Variants in DLG2 observed in about 807,000 individuals in gnomAD.
DLG2 encodes the protein discs large MAGUK scaffold protein 2.
DLG2 carries 45 observed loss-of-function variants against 132.5 expected under a neutral mutation model. The ratio of observed to expected loss-of-function variants is 0.34; its 90% confidence interval spans 0.27 to 0.44. DLG2 has a LOEUF of 0.44. Among genes scored for constraint, DLG2 ranks in the 20% least tolerant of loss-of-function variants. The pLI is 1.00. For missense variants in DLG2, 1,045 were observed against 1,196.9 expected (o/e 0.87, Z 1.87); for synonymous variants, 424 against 419.6 (o/e 1.01, Z -0.13).
intron 6 of DLG2, among the ~76,000 whole-genome samples, chr11:84,633,041 G>C (rs61898999): frequency 3.2e-3 from 489 of 152,312 alleles, no homozygotes; most frequent in Non-Finnish European, 5.0e-3. Flanking sequence ...ATGAAAAGAA[G>C]AAAGACTGGC....
chr11:84,161,609 T>C (rs1287789302), intron 9 of DLG2, among the ~76,000 whole-genome samples: 1 of 152,152 alleles, frequency 6.6e-6, no homozygotes. Flanking sequence ...TTCTCTCTCA[T>C]ACCAATGTTA....
chr11:85,220,266 T>C (rs2074545910), intron 4 of DLG2, among the ~76,000 whole-genome samples: 1 of 152,084 alleles, frequency 6.6e-6, no homozygotes, highest in African/African-American at 2.4e-5. Flanking sequence ...TTGCACTGTT[T>C]AACGTGGTGA....
intron 6 of DLG2, among the ~76,000 whole-genome samples, chr11:84,765,903 T>C (rs1027625125): frequency 1.3e-5 from 2 of 151,966 alleles, no homozygotes; most frequent in Admixed American, 6.6e-5. Flanking sequence ...CACCTTTTCT[T>C]GATGCTGTTT....
At chr11:84,934,682 T>C (rs895390747) in intron 6 of DLG2, among the ~76,000 whole-genome samples, 1 of 151,758 alleles carries the variant, frequency 6.6e-6, no homozygotes, top group Non-Finnish European at 1.5e-5. Flanking sequence ...CCTGGACACA[T>C]ACGCCCTTCC....
chr11:85,369,877 T>A (rs1417593813), intron 3 of DLG2, among the ~76,000 whole-genome samples: 1 of 152,186 alleles, frequency 6.6e-6, no homozygotes, highest in Non-Finnish European at 1.5e-5. Flanking sequence ...AAGTATTTTT[T>A]AAAAAGGGAA....
chr11:84,031,234 A>T (rs936377737), intron 11 of DLG2, among the ~76,000 whole-genome samples: 1 of 22,992 alleles, frequency 4.3e-5, no homozygotes, highest in African/African-American at 7.4e-5. Flanking sequence ...CAGAAAGGTA[A>T]AAAAAAAAAA....
chr11:84,079,519 GT>G (rs530490550), intron 10 of DLG2, among the ~76,000 whole-genome samples: 41 of 152,214 alleles, frequency 2.7e-4, no homozygotes, highest in African/African-American at 9.6e-4. Flanking sequence ...CTGACCTCAG[GT>G]GATCCACCCA....
rs553975705 is a variant in DLG2, at chr11:84,680,756, G to A, written c.358-146025C>T. Among the ~76,000 whole-genome samples the A allele has an allele frequency of 2.6e-5, 4 of 152,252 alleles. No individual in the cohort carries two copies. The South Asian group carries it at 8.3e-4, about 32-fold the overall frequency. Reference sequence around the variant, plus strand: ...ACCATAGCTTGTACTGCTGGTTTGAGAATAAAAGGAAATGTTAACACTGTC... The same window carrying A: ...ACCATAGCTTGTACTGCTGGTTTGAAAATAAAAGGAAATGTTAACACTGTC... On this transcript the variant is annotated intron_variant, in intron 6 of 27. Coordinates refer to ENST00000376104, the MANE Select transcript of DLG2 (RefSeq NM_001142699.3).
At chr11:85,219,328 G>A (rs992515254) in intron 4 of DLG2, among the ~76,000 whole-genome samples, 2 of 152,126 alleles carry the variant, frequency 1.3e-5, no homozygotes, top group Non-Finnish European at 2.9e-5. Flanking sequence ...TGTTCTCTGA[G>A]TTTAATTCTC....
intron 15 of DLG2, among the ~76,000 whole-genome samples, chr11:83,924,699 A>G (rs79188728): frequency 0.019 from 2,938 of 152,222 alleles, 100 homozygotes; most frequent in African/African-American, 0.067. Flanking sequence ...CTGAGGTACT[A>G]TTCAGGGGCT....
chr11:84,006,411 T>C (rs1396823480), intron 11 of DLG2, among the ~76,000 whole-genome samples: 4 of 151,676 alleles, frequency 2.6e-5, no homozygotes, highest in African/African-American at 7.2e-5. Flanking sequence ...CAATGTATTG[T>C]ACATTTCAAA....
intron 6 of DLG2, among the ~76,000 whole-genome samples, chr11:84,638,939 A>G (rs1315998919): frequency 6.6e-6 from 1 of 152,224 alleles, no homozygotes; most frequent in African/African-American, 2.4e-5. Flanking sequence ...CACTGAATAT[A>G]ATTCAAGAAC....
chr11:84,842,709 T>G (rs1463391492), intron 6 of DLG2, among the ~76,000 whole-genome samples: 1 of 151,712 alleles, frequency 6.6e-6, no homozygotes, highest in African/African-American at 2.4e-5. Flanking sequence ...GTTCCCGAGA[T>G]TTTGCAATGG....
At chr11:84,447,127 G>A (rs534164709) in intron 7 of DLG2, among the ~76,000 whole-genome samples, 36 of 152,144 alleles carry the variant, frequency 2.4e-4, no homozygotes, top group Non-Finnish European at 4.4e-4. Flanking sequence ...TATTATAATA[G>A]TTAATTAGCT....
At chr11:84,785,621 T>G (rs1482223528) in intron 6 of DLG2, among the ~76,000 whole-genome samples, 5 of 152,144 alleles carry the variant, frequency 3.3e-5, no homozygotes. Flanking sequence ...ACCAACAAGG[T>G]AAATGTTTTA....
intron 4 of DLG2, among the ~76,000 whole-genome samples, chr11:85,191,408 C>T (rs1300389674): frequency 2.0e-5 from 3 of 152,084 alleles, no homozygotes; most frequent in Non-Finnish European, 2.9e-5. Context: ...CACACACACA[C>T]GTTGTTCCCC....
At chr11:84,917,505 G>T (rs1286538998) in intron 6 of DLG2, among the ~76,000 whole-genome samples, 1 of 152,094 alleles carries the variant, frequency 6.6e-6, no homozygotes, top group Non-Finnish European at 1.5e-5. Flanking sequence ...GTAATATTAG[G>T]CAAGTTATTT....
At chr11:85,288,190 AAAT>A (rs1444616032) in intron 3 of DLG2, among the ~76,000 whole-genome samples, 1 of 151,998 alleles carries the variant, frequency 6.6e-6, no homozygotes, top group Non-Finnish European at 1.5e-5. Flanking sequence ...ATATTTTCAT[AAAT>A]AATAAAGAAA....
At chr11:85,205,445 A>G (rs1052514095) in intron 4 of DLG2, among the ~76,000 whole-genome samples, 7 of 152,050 alleles carry the variant, frequency 4.6e-5, no homozygotes, top group African/African-American at 1.2e-4. Context: ...ACAGTTCAAT[A>G]GAAGAAAAAA....
Sources: gnomAD v4.1 joint callset for allele counts (sites outside exome capture counted in the v4.1 genomes callset) on GRCh38, gnomAD v4.1.1 for gene constraint, MANE v1.5 for transcripts, NCBI Gene and HGNC (gene_info 2026-07-23, HGNC 2026-07-21) for gene names.